The following TUBGCP4 variants were observed in gnomAD, a reference collection of about 807,000 sequenced individuals.
TUBGCP4 encodes the protein tubulin gamma complex component 4.
A neutral mutation model predicts 91.6 loss-of-function variants in TUBGCP4; 54 were observed. The ratio of observed to expected loss-of-function variants is 0.59; its 90% CI spans 0.47 to 0.74. The LOEUF (loss-of-function observed/expected upper bound fraction) is 0.74, where lower values mean the gene tolerates loss of function less well. TUBGCP4 is among the 30% of genes least tolerant of loss of function. The pLI, the probability that TUBGCP4 is intolerant of heterozygous loss-of-function variation, is 0.00. For missense variants in TUBGCP4, 593 were observed against 800.9 expected (o/e 0.74, Z 3.13); for synonymous variants, 297 against 302.8 (o/e 0.98, Z 0.20).
chr15:43,406,585 C>G lies in TUBGCP4; in HGVS notation c.*1371C>G. ...GCCCACAAAGCCTGAAATATTTACT[C>G]TTTGACCCTTTACAGAAAAAAACCT... is the stretch of plus-strand genomic sequence containing the variant. On this transcript the variant is annotated 3_prime_UTR_variant, in exon 18 of 18. Transcript: ENST00000564079. 1 of 456,020 alleles carries G rather than the reference C, an allele frequency of 2.2e-6. No individual in the cohort carries two copies. Among genetic ancestry groups the G allele is most frequent in the South Asian group, 1.5e-5 (1 of 64,548 alleles). 28.2% of individuals were successfully genotyped at this position (456,020 alleles called of 1,614,324 possible).
intron 8 of TUBGCP4, 54 bp from the exon 9 acceptor site, chr15:43,386,152 T>C (rs2044354378): frequency 6.4e-7 from 1 of 1,562,496 alleles, no homozygotes; most frequent in Non-Finnish European, 8.7e-7. Flanking sequence ...CAGAAAACCC[T>C]AACTGTCCTG....
intron 7 of TUBGCP4, 63 bp from the exon 8 acceptor site, chr15:43,385,728 A>G: frequency 6.4e-7 from 1 of 1,556,218 alleles, no homozygotes; most frequent in Non-Finnish European, 8.8e-7. Context: ...GTTACTAGGT[A>G]TTTTCTTGTT....
In TUBGCP4 at chr15:43,407,846, C is replaced by T; in HGVS notation, c.*2632C>T. On this transcript the variant is annotated 3_prime_UTR_variant, in exon 18 of 18. Transcript: ENST00000564079. ...CTTCTCTAAGAAACATGGATACGGT[C>T]AACCTATTAGGCCTGAGCCTTGGAC... 7.9e-6 allele frequency: 10 copies of T among 1,263,048 alleles called. No individual in the cohort carries two copies. The highest frequency in any genetic ancestry group is 1.1e-5 in the Non-Finnish European group (10 of 916,328). 78.2% of individuals were successfully genotyped at this position (1,263,048 alleles called of 1,614,324 possible).
intron 11 of TUBGCP4, 26 bp downstream of exon 11, chr15:43,395,714 A>G (rs1319702846): frequency 6.4e-7 from 1 of 1,571,246 alleles, no homozygotes; most frequent in Non-Finnish European, 8.8e-7. Flanking sequence ...CCTGAGAATG[A>G]TCAACTGATT....
At chr15:43,393,807 T>A (rs2044530247) in intron 9 of TUBGCP4, among the ~76,000 whole-genome samples, 1 of 152,298 alleles carries the variant, frequency 6.6e-6, no homozygotes, top group East Asian at 1.9e-4. Context: ...TAGTATTCCA[T>A]GGTGTATATG....
chr15:43,407,835 A>T lies in TUBGCP4; in HGVS notation c.*2621A>T. On this transcript the variant is annotated 3_prime_UTR_variant, in exon 18 of 18. Coordinates refer to ENST00000564079, the MANE Select transcript of TUBGCP4 (RefSeq NM_014444.5). Reference sequence around the variant, plus strand: ...GTGGTACTTTTCTTCTCTAAGAAACATGGATACGGTCAACCTATTAGGCCT... The same window carrying T: ...GTGGTACTTTTCTTCTCTAAGAAACTTGGATACGGTCAACCTATTAGGCCT... The T allele has an allele frequency of 8.6e-7, 1 of 1,163,532 alleles. No homozygotes were observed. The highest frequency in any genetic ancestry group is 1.2e-6 in the Non-Finnish European group (1 of 826,516). 72.1% of individuals were successfully genotyped at this position (1,163,532 alleles called of 1,614,324 possible). A position where few individuals can be genotyped will look rare whatever the true frequency, so the allele number is the denominator to read the frequency against.
chr15:43,403,631 T>C, intron 15 of TUBGCP4, 52 bp from the exon 16 acceptor site: 1 of 1,331,472 alleles, frequency 7.5e-7, no homozygotes, highest in Admixed American at 1.7e-5. Flanking sequence ...CACTTTAACT[T>C]CATGGATGTA....
At chr15:43,385,388 G>T (rs1050929301) in intron 7 of TUBGCP4, 1 of 457,882 alleles carries the variant, frequency 2.2e-6, no homozygotes, top group East Asian at 6.9e-5. Flanking sequence ...CGATGTGATT[G>T]TATAGGAAGT....
In TUBGCP4 at chr15:43,376,206, AC is replaced by A; in HGVS notation, c.188del (p.Thr63ArgfsTer64). On this transcript the variant is annotated frameshift_variant, in exon 2 of 18. Transcript: ENST00000564079. LOFTEE classifies it high-confidence loss of function. ...IRFTEFIEQY[T>X]GHVQQQDHHP... ...CTTCACTGAGTTCATTGAACAGTAC[AC>A]GGGCCATGTGCAACAGCAGGTGGGT... 6.2e-7 allele frequency: 1 copy of A among 1,613,698 alleles called. No homozygotes were observed. The highest frequency in any genetic ancestry group is 8.5e-7 in the Non-Finnish European group (1 of 1,179,984).
rs757770290 is a variant in TUBGCP4, at chr15:43,407,595, GAAGGA to G, written c.*2387_*2391del. 1.9e-6 allele frequency: 3 copies of G among 1,595,924 alleles called. No individual in the cohort carries two copies. In the South Asian group the frequency reaches 3.4e-5, roughly 18 times the overall value. The stretch of plus-strand genomic sequence containing the variant: ...TCTGCAAGGAGCAAGGGAAAGTGAA[GAAGGA>G]AAGGACACTCAACTTAGCCCTCCAT... On this transcript the variant is annotated 3_prime_UTR_variant, in exon 18 of 18. Coordinates refer to ENST00000564079, the MANE Select transcript of TUBGCP4 (RefSeq NM_014444.5).
chr15:43,407,302 TACAC>T lies in TUBGCP4; in HGVS notation c.*2092_*2095del. On this transcript the variant is annotated 3_prime_UTR_variant, in exon 18 of 18. Transcript: ENST00000564079. ...ACAAGATCCATGCAAGGAATCCAGT[TACAC>T]ACAAGACACATTTAAAACCTGGTTA... 1 of 1,231,516 alleles carries T rather than the reference TACAC, an allele frequency of 8.1e-7. No individual in the cohort carries two copies. The highest frequency in any genetic ancestry group is 1.2e-6 in the Non-Finnish European group (1 of 857,184). 76.3% of individuals were successfully genotyped at this position (1,231,516 alleles called of 1,614,324 possible).
intron 16 of TUBGCP4, 35 bp from the exon 17 acceptor site, chr15:43,404,378 G>A: frequency 1.2e-6 from 2 of 1,612,942 alleles, no homozygotes; most frequent in Non-Finnish European, 1.7e-6. Flanking sequence ...TTGGTGAGCT[G>A]AAGTGGAATG....
At chr15:43,397,128 T>C (rs537841635) in intron 11 of TUBGCP4, 86 bp from the exon 12 acceptor site, 2 of 886,786 alleles carry the variant, frequency 2.3e-6, no homozygotes, top group East Asian at 2.4e-5. Context: ...GCATTGAGCA[T>C]GTTGGGGGAG....
intron 15 of TUBGCP4, 170 bp downstream of exon 15, chr15:43,402,020 C>A: frequency 1.2e-6 from 1 of 812,754 alleles, no homozygotes; most frequent in Non-Finnish European, 1.8e-6. Context: ...TGCCTGTAAT[C>A]CCAGCACTTT....
intron 17 of TUBGCP4, 177 bp downstream of exon 17, chr15:43,404,729 G>A: frequency 1.5e-6 from 1 of 683,270 alleles, no homozygotes. Flanking sequence ...TCTAGTAGAA[G>A]TCATCATCAT....
chr15:43,378,082 C>T lies in TUBGCP4; in HGVS notation c.441+179C>T, dbSNP rs3213991. Among the ~76,000 whole-genome samples, 42,262 of 152,002 alleles carry T rather than the reference C, an allele frequency of 0.28. 9,698 individuals carry two copies. The highest frequency in any genetic ancestry group is 0.63 in the African/African-American group (25,893 of 41,386). On this transcript the variant is annotated intron_variant, in intron 5 of 17. Coordinates refer to ENST00000564079, the MANE Select transcript of TUBGCP4 (RefSeq NM_014444.5). The stretch of plus-strand genomic sequence containing the variant: ...TCAGGAATGCAAAAGTATGACTCTG[C>T]CTTTAAACACCTCCTGGTCCAGAAG...
intron 9 of TUBGCP4, among the ~76,000 whole-genome samples, chr15:43,392,068 A>G (rs1006907246): frequency 7.1e-6 from 1 of 141,008 alleles, no homozygotes; most frequent in Non-Finnish European, 1.5e-5. Context: ...ATAAAATAAA[A>G]TAGAGATACA....
intron 10 of TUBGCP4, 154 bp downstream of exon 10, chr15:43,395,311 C>T (rs1287488018): frequency 1.2e-6 from 1 of 802,972 alleles, no homozygotes; most frequent in Non-Finnish European, 2.1e-6. Context: ...CCTAATGCCA[C>T]AAATCTACGA....
intron 9 of TUBGCP4, among the ~76,000 whole-genome samples, chr15:43,388,845 G>C (rs2044423781): frequency 6.6e-6 from 1 of 152,180 alleles, no homozygotes; most frequent in South Asian, 2.1e-4. Context: ...TGAAGGAAAA[G>C]GGGGGAGTGT....
Sources: gnomAD v4.1 joint callset for allele counts (sites outside exome capture counted in the v4.1 genomes callset) on GRCh38, gnomAD v4.1.1 for gene constraint, MANE v1.5 for transcripts, NCBI Gene and HGNC (gene_info 2026-07-23, HGNC 2026-07-21) for gene names.